FGGY: variants seen among roughly 807,000 people sequenced by gnomAD.
FGGY encodes FGGY carbohydrate kinase domain containing.
FGGY carries 72 observed loss-of-function variants against 71.3 expected under a neutral mutation model. That is an observed-to-expected ratio of 1.01 (90% CI 0.84 to 1.23). FGGY has a LOEUF of 1.23. Ranked by LOEUF, FGGY falls within the 50% of genes most tolerant of loss-of-function variation. The probability of loss-of-function intolerance (pLI) is 0.00; values close to 1 mark genes in which losing one functional copy is unlikely to be tolerated. For missense variants in FGGY, 668 were observed against 682.3 expected (o/e 0.98, Z 0.23); for synonymous variants, 251 against 250.3 (o/e 1.00, Z -0.02).
intron 12 of FGGY, 135 bp downstream of exon 12, chr1:59,660,428 C>A: frequency 3.3e-6 from 2 of 597,344 alleles, no homozygotes; most frequent in Non-Finnish European, 2.8e-6. Flanking sequence ...AAAAGAGATT[C>A]TTGTATGTCT....
intron 6 of FGGY, among the ~76,000 whole-genome samples, chr1:59,472,468 G>A (rs569096991): frequency 7.9e-5 from 12 of 152,370 alleles, no homozygotes; most frequent in Admixed American, 6.5e-4. Context: ...TGAGGAATGC[G>A]GGCGCACGGC....
intron 5 of FGGY, among the ~76,000 whole-genome samples, chr1:59,413,967 A>C (rs546765528): frequency 6.6e-6 from 1 of 152,336 alleles, no homozygotes; most frequent in South Asian, 2.1e-4. Context: ...TCTCAAAAAA[A>C]CCCAAAAAAC....
chr1:59,380,343 T>C (rs1340690822), intron 5 of FGGY, among the ~76,000 whole-genome samples: 3 of 151,642 alleles, frequency 2.0e-5, no homozygotes, highest in East Asian at 1.9e-4. Context: ...ATGGTATTTC[T>C]AGTTCTAGAT....
At chr1:59,311,878 G>A (rs1317417298) in intron 1 of FGGY, among the ~76,000 whole-genome samples, 1 of 152,160 alleles carries the variant, frequency 6.6e-6, no homozygotes, top group African/African-American at 2.4e-5. Flanking sequence ...CAGTGTAAAA[G>A]CATTCCTGTT....
intron 14 of FGGY, among the ~76,000 whole-genome samples, chr1:59,694,476 C>T (rs181433563): frequency 2.0e-5 from 3 of 152,034 alleles, no homozygotes; most frequent in African/African-American, 4.8e-5. Flanking sequence ...TTGTCATGCC[C>T]AGTATGCATG....
chr1:59,327,657 A>G (rs1390437960), intron 2 of FGGY, among the ~76,000 whole-genome samples: 1 of 152,190 alleles, frequency 6.6e-6, no homozygotes, highest in Non-Finnish European at 1.5e-5. Flanking sequence ...AATGTTTTCA[A>G]TTTACTTTAT....
intron 7 of FGGY, among the ~76,000 whole-genome samples, chr1:59,542,445 CTTTTTTTTTTTTTTTTTTTT>C (rs754831417): frequency 2.9e-5 from 1 of 34,246 alleles, no homozygotes; most frequent in African/African-American, 1.0e-4. Context: ...ATGTTCTTTA[CTTTTTTTTTTTTTTTTTTTT>C]TTTTTTTTTT....
At chr1:59,559,325 C>T (rs2095747525) in intron 8 of FGGY, among the ~76,000 whole-genome samples, 2 of 152,060 alleles carry the variant, frequency 1.3e-5, no homozygotes, top group Admixed American at 1.3e-4. Context: ...GATATATGTC[C>T]ATATTAAAAT....
intron 14 of FGGY, among the ~76,000 whole-genome samples, chr1:59,712,361 C>CA (rs1015766463): frequency 3.4e-4 from 52 of 152,306 alleles, no homozygotes; most frequent in Admixed American, 1.8e-3. Flanking sequence ...TCCAGGCGTG[C>CA]AGTGCAAGCC....
intron 8 of FGGY, 120 bp from the exon 9 acceptor site, chr1:59,607,683 C>A: frequency 1.5e-6 from 1 of 661,674 alleles, no homozygotes; most frequent in Non-Finnish European, 2.5e-6. Flanking sequence ...AGTGACTTCC[C>A]CACCATAAAA....
chr1:59,478,716 C>A (rs948563782), intron 6 of FGGY, among the ~76,000 whole-genome samples: 14 of 152,114 alleles, frequency 9.2e-5, no homozygotes, highest in African/African-American at 2.9e-4. Flanking sequence ...ATTTGGAAGT[C>A]ATAAGTGTAG....
intron 6 of FGGY, among the ~76,000 whole-genome samples, chr1:59,497,261 G>A (rs2153599913): frequency 1.3e-5 from 2 of 152,286 alleles, no homozygotes; most frequent in East Asian, 3.9e-4. Context: ...GAAGTGTGCT[G>A]GTTTCTCACC....
intron 5 of FGGY, among the ~76,000 whole-genome samples, chr1:59,425,693 C>T (rs191114417): frequency 5.9e-5 from 9 of 152,172 alleles, no homozygotes; most frequent in African/African-American, 2.2e-4. Context: ...TACCATCTCT[C>T]CTTTTCCCAC....
Position 59,690,471 on chromosome 1 carries a change from A to C in FGGY, c.1512+16338A>C, listed in dbSNP as rs1366183819. On this transcript the variant is annotated intron_variant, in intron 14 of 15. Transcript: ENST00000303721. ...TGTGGTCTGTTCACTGTAAATACTG[A>C]AACCCATCTCTATAAAGCTCCTTTG... Among the ~76,000 whole-genome samples the C allele has an allele frequency of 6.6e-5, 10 of 152,314 alleles. 1 individual carries two copies. The East Asian group carries it at 1.9e-3, about 29-fold the overall frequency.
At chr1:59,324,683 A>C (rs760924078) in intron 2 of FGGY, among the ~76,000 whole-genome samples, 68 of 152,334 alleles carry the variant, frequency 4.5e-4, no homozygotes, top group Non-Finnish European at 9.8e-4. Context: ...CTGAATAAGA[A>C]GAAGGGGACG....
At chr1:59,609,139 A>G (rs1224135168) in intron 9 of FGGY, among the ~76,000 whole-genome samples, 3 of 152,226 alleles carry the variant, frequency 2.0e-5, no homozygotes, top group Admixed American at 2.0e-4. Flanking sequence ...TTGTATGGGA[A>G]AAAAGACATG....
intron 1 of FGGY, among the ~76,000 whole-genome samples, chr1:59,314,332 T>C (rs2044993157): frequency 6.6e-6 from 1 of 152,196 alleles, no homozygotes; most frequent in South Asian, 2.1e-4. Flanking sequence ...TGAAGGTTGA[T>C]TTGAGGCCCA....
chr1:59,523,958 C>G (rs945143932), intron 7 of FGGY, among the ~76,000 whole-genome samples: 2 of 152,224 alleles, frequency 1.3e-5, no homozygotes, highest in African/African-American at 4.8e-5. Flanking sequence ...GGAGCCCTGT[C>G]CCCTACCAAG....
chr1:59,439,500 C>T (rs1276990802), intron 5 of FGGY, among the ~76,000 whole-genome samples: 2 of 152,142 alleles, frequency 1.3e-5, no homozygotes, highest in South Asian at 2.1e-4. Context: ...TAATGCCAGA[C>T]AGTTCCCCAG....
Sources: gnomAD v4.1 joint callset for allele counts (sites outside exome capture counted in the v4.1 genomes callset) on GRCh38, gnomAD v4.1.1 for gene constraint, MANE v1.5 for transcripts, NCBI Gene and HGNC (gene_info 2026-07-23, HGNC 2026-07-21) for gene names.